Variants in CTBP1 observed in about 807,000 individuals in gnomAD.
CTBP1 encodes C-terminal binding protein 1.
In CTBP1, 11 loss-of-function variants were observed where a neutral mutation model predicts 42.1. That is an observed-to-expected ratio of 0.26 (90% CI 0.16 to 0.43). CTBP1 has a LOEUF of 0.43. CTBP1 is among the 20% of genes least tolerant of loss of function. The pLI is 1.00. For missense variants in CTBP1, 399 were observed against 624.3 expected (o/e 0.64, Z 3.85); for synonymous variants, 324 against 277.1 (o/e 1.17, Z -1.68).
chr4:1,221,834 G>A (rs769537501), intron 5 of CTBP1: 5 of 446,166 alleles, frequency 1.1e-5, no homozygotes, highest in South Asian at 7.9e-5. Flanking sequence ...GTTTTCCTGT[G>A]TGCACCTAAG....
chr4:1,241,865 C>T, intron 1 of CTBP1: 1 of 1,142,526 alleles, frequency 8.8e-7, no homozygotes, highest in Non-Finnish European at 1.1e-6. Context: ...ACGGAGGGCA[C>T]AGGGTGTGTG....
chr4:1,226,524 C>T (rs1263297596), intron 4 of CTBP1, among the ~76,000 whole-genome samples: 1 of 151,070 alleles, frequency 6.6e-6, no homozygotes, highest in Non-Finnish European at 1.5e-5. Flanking sequence ...AAATGTTAAA[C>T]AAGGGAGACT....
chr4:1,244,871 G>A (rs886208617), intron 1 of CTBP1: 1 of 985,340 alleles, frequency 1.0e-6, no homozygotes, highest in Admixed American at 6.1e-5. Flanking sequence ...TGCCCAGCCA[G>A]GGGCTGACAT....
At chr4:1,242,527 C>T (rs1732284794) in intron 1 of CTBP1, 2 of 985,082 alleles carry the variant, frequency 2.0e-6, no homozygotes, top group Non-Finnish European at 2.4e-6. Flanking sequence ...CCCTCAACTC[C>T]CTCTGCAGGA....
At chr4:1,237,309 G>T (rs1349480345) in intron 3 of CTBP1, 3 of 675,256 alleles carry the variant, frequency 4.4e-6, no homozygotes, top group Non-Finnish European at 8.1e-6. Flanking sequence ...CCTCCTGATG[G>T]GGCTCAGGAC....
chr4:1,229,012 A>G (rs983971926), intron 3 of CTBP1, among the ~76,000 whole-genome samples: 1 of 152,224 alleles, frequency 6.6e-6, no homozygotes, highest in Non-Finnish European at 1.5e-5. Context: ...TTCAGTGTCC[A>G]TGACAACTCT....
intron 2 of CTBP1, among the ~76,000 whole-genome samples, chr4:1,239,925 TACATGGCCTCCCTCTGC>T (rs1329875228): frequency 2.0e-5 from 3 of 152,248 alleles, no homozygotes; most frequent in Non-Finnish European, 2.9e-5. Flanking sequence ...AGTGACACTG[TACATGGCCTCCCTCTGC>T]ACGTGGCCTC....
intron 5 of CTBP1, among the ~76,000 whole-genome samples, chr4:1,222,327 A>G (rs1488394875): frequency 1.3e-5 from 2 of 151,382 alleles, no homozygotes; most frequent in Non-Finnish European, 3.0e-5. Flanking sequence ...CGTGTCCCTA[A>G]GGACAGAACT....
intron 1 of CTBP1, chr4:1,244,341 G>A (rs563202477): frequency 1.0e-6 from 1 of 959,310 alleles, no homozygotes; most frequent in Admixed American, 8.2e-5. Context: ...AGCCACAGTG[G>A]GTCTCTGGGC....
intron 1 of CTBP1, among the ~76,000 whole-genome samples, chr4:1,247,966 C>G (rs1285494595): frequency 6.6e-6 from 1 of 152,242 alleles, no homozygotes; most frequent in East Asian, 1.9e-4. Context: ...GGGATCTGGC[C>G]CAGGCCGGGC....
chr4:1,225,711 G>A (rs1057374126), intron 4 of CTBP1, 145 bp from the exon 5 acceptor site: 1 of 819,576 alleles, frequency 1.2e-6, no homozygotes, highest in Non-Finnish European at 1.9e-6. Context: ...GGGAGGCCAC[G>A]AGATGAACAC....
intron 5 of CTBP1, among the ~76,000 whole-genome samples, chr4:1,222,176 G>A (rs1322294897): frequency 6.6e-6 from 1 of 152,208 alleles, no homozygotes; most frequent in East Asian, 1.9e-4. Context: ...TCCACAGAGG[G>A]TGGGATGGGG....
At chr4:1,213,738 C>T (rs747859196) in intron 7 of CTBP1, 133 bp from the exon 8 acceptor site, 17 of 1,227,002 alleles carry the variant, frequency 1.4e-5, no homozygotes, top group South Asian at 3.3e-5. Context: ...CTGCTCTGCT[C>T]GGCAGGCTGG....
At chr4:1,247,650 C>A (rs182812888) in intron 1 of CTBP1, among the ~76,000 whole-genome samples, 5 of 152,016 alleles carry the variant, frequency 3.3e-5, no homozygotes, top group Non-Finnish European at 4.4e-5. Context: ...GCAAAGGCCA[C>A]GCGCTAGGAG....
At chr4:1,246,411 G>T (rs538170511) in intron 1 of CTBP1, among the ~76,000 whole-genome samples, 1 of 152,338 alleles carries the variant, frequency 6.6e-6, no homozygotes, top group East Asian at 1.9e-4. Context: ...GCACCACCTG[G>T]ATGGAGCCCT....
At chr4:1,236,429 C>A (rs1020065380) in intron 3 of CTBP1, 17 of 564,650 alleles carry the variant, frequency 3.0e-5, no homozygotes, top group African/African-American at 2.8e-4. Context: ...CAACTGGGGC[C>A]GGGGGAAGCA....
chr4:1,227,798 A>G (rs1577046616), intron 4 of CTBP1, among the ~76,000 whole-genome samples: 2 of 152,282 alleles, frequency 1.3e-5, no homozygotes, highest in East Asian at 3.9e-4. Flanking sequence ...CTGTGTGCTG[A>G]GTGCACACGT....
intron 1 of CTBP1, chr4:1,244,695 C>T (rs1241695759): frequency 3.0e-6 from 3 of 985,322 alleles, no homozygotes; most frequent in East Asian, 1.1e-4. Context: ...GTCTCAGCGG[C>T]CCTCACCCTG....
chr4:1,218,529 G>C (rs1251831124), intron 5 of CTBP1: 1 of 152,158 alleles, frequency 6.6e-6, no homozygotes, highest in Non-Finnish European at 1.5e-5. Context: ...AGCCAGAATC[G>C]GGGGGCGTAA....
Sources: gnomAD v4.1 joint callset for allele counts (sites outside exome capture counted in the v4.1 genomes callset) on GRCh38, gnomAD v4.1.1 for gene constraint, MANE v1.5 for transcripts, NCBI Gene and HGNC (gene_info 2026-07-23, HGNC 2026-07-21) for gene names.